CSRNP3: variants seen among roughly 807,000 people sequenced by gnomAD.
CSRNP3 encodes cysteine and serine rich nuclear protein 3.
In CSRNP3, 12 loss-of-function variants were observed where a neutral mutation model predicts 48.0. The observed-to-expected ratio is 0.25, with a 90% confidence interval of 0.16 to 0.41. CSRNP3 has a LOEUF of 0.41. Among genes scored for constraint, CSRNP3 ranks in the 10% least tolerant of loss-of-function variants. CSRNP3 has a pLI of 1.00. For synonymous variants in CSRNP3, 263 were observed against 269.7 expected (o/e 0.98, Z 0.24); for missense variants, 580 against 724.4 (o/e 0.80, Z 2.29).
rs1687577943 is a variant in CSRNP3, at chr2:165,683,375, A to C, written c.*3622A>C. 1 of 152,102 alleles carries C rather than the reference A, an allele frequency of 6.6e-6. No homozygotes were observed. The highest frequency in any genetic ancestry group is 2.4e-5 in the African/African-American group (1 of 41,430). The allele number at this position is 152,102 out of a possible 1,614,324, so 9.4% of individuals were successfully genotyped here. On this transcript the variant is annotated 3_prime_UTR_variant, in exon 7 of 7. Coordinates refer to ENST00000651982, the MANE Select transcript of CSRNP3 (RefSeq NM_001172173.2). ...CCCTGAATTCCTTCCCTCCAAAAAA[A>C]AACTATGAGTTGCAAAAACACTAGT...
intron 1 of CSRNP3, among the ~76,000 whole-genome samples, chr2:165,485,959 G>A (rs1454509915): frequency 6.6e-6 from 1 of 152,162 alleles, no homozygotes; most frequent in African/African-American, 2.4e-5. Flanking sequence ...GGCCGAATAG[G>A]AACAGCTCTG....
chr2:165,551,297 G>A (rs1685092856), intron 3 of CSRNP3, among the ~76,000 whole-genome samples: 1 of 152,138 alleles, frequency 6.6e-6, no homozygotes, highest in Admixed American at 6.5e-5. Context: ...CACTGGAAAA[G>A]TTCCCACCAG....
chr2:165,617,236 T>A (rs74971681), intron 4 of CSRNP3, among the ~76,000 whole-genome samples: 1 of 151,500 alleles, frequency 6.6e-6, no homozygotes, highest in Non-Finnish European at 1.5e-5. Context: ...TTTTCATGTT[T>A]CTGTATCATT....
chr2:165,511,881 G>A (rs1197494953), intron 2 of CSRNP3, among the ~76,000 whole-genome samples: 1 of 152,142 alleles, frequency 6.6e-6, no homozygotes, highest in Non-Finnish European at 1.5e-5. Flanking sequence ...CTTCCAGGGG[G>A]CAGGTTCATA....
At chr2:165,670,066 C>T (rs536181005) in intron 5 of CSRNP3, among the ~76,000 whole-genome samples, 1 of 152,294 alleles carries the variant, frequency 6.6e-6, no homozygotes, top group African/African-American at 2.4e-5. Flanking sequence ...AGGGAGTGAT[C>T]CCATGCAAGT....
At chr2:165,497,471 T>C (rs1428131416) in intron 2 of CSRNP3, among the ~76,000 whole-genome samples, 1 of 145,990 alleles carries the variant, frequency 6.8e-6, no homozygotes, top group Non-Finnish European at 1.5e-5. Flanking sequence ...CGGGAGACTA[T>C]CTATCACTAT....
intron 2 of CSRNP3, among the ~76,000 whole-genome samples, chr2:165,500,439 ACG>A (rs1684343514): frequency 8.7e-6 from 1 of 114,852 alleles, no homozygotes; most frequent in South Asian, 2.4e-4. Flanking sequence ...ACACACACAC[ACG>A]TGTATATATA....
intron 2 of CSRNP3, among the ~76,000 whole-genome samples, chr2:165,512,817 AG>A (rs1684524808): frequency 6.6e-6 from 1 of 152,238 alleles, no homozygotes; most frequent in African/African-American, 2.4e-5. Context: ...TTAAAAAGAT[AG>A]GGTCAGCCGG....
intron 5 of CSRNP3, among the ~76,000 whole-genome samples, chr2:165,666,249 GAAGA>G (rs1206282020): frequency 3.4e-5 from 4 of 116,234 alleles, no homozygotes; most frequent in South Asian, 3.3e-4. Context: ...AGAGAGAGAG[GAAGA>G]AAGAAAGACA....
chr2:165,517,006 A>C (rs918786752), intron 2 of CSRNP3, among the ~76,000 whole-genome samples: 1 of 152,116 alleles, frequency 6.6e-6, no homozygotes. Context: ...GTCATTGGCT[A>C]TGATCAATGA....
chr2:165,508,266 T>C lies in CSRNP3; in HGVS notation c.-112-9607T>C, dbSNP rs528262431. Reference sequence around the variant, plus strand: ...CGGCAATTCTGTTTTCTTTGTAAGATTAAGTAACCCTGCAATTAATTTTAT... The same window carrying C: ...CGGCAATTCTGTTTTCTTTGTAAGACTAAGTAACCCTGCAATTAATTTTAT... On this transcript the variant is annotated intron_variant, in intron 2 of 6. Transcript: ENST00000651982. Among the ~76,000 whole-genome samples the C allele has an allele frequency of 5.3e-5, 8 of 152,228 alleles. No homozygotes were observed. In the South Asian group the frequency reaches 1.7e-3, roughly 32 times the overall value.
chr2:165,625,613 AAC>A (rs1686417978), intron 4 of CSRNP3, among the ~76,000 whole-genome samples: 2 of 150,316 alleles, frequency 1.3e-5, no homozygotes, highest in South Asian at 2.2e-4. Context: ...CCACCTCAGC[AAC>A]AGAGTGAGAT....
At chr2:165,555,418 C>G (rs1366150778) in intron 3 of CSRNP3, among the ~76,000 whole-genome samples, 1 of 152,122 alleles carries the variant, frequency 6.6e-6, no homozygotes, top group Admixed American at 6.6e-5. Context: ...AGTACAAGCC[C>G]AAAACCATAG....
chr2:165,614,113 G>T (rs12987780), intron 4 of CSRNP3, among the ~76,000 whole-genome samples: 55,067 of 151,746 alleles, frequency 0.36, 10,399 homozygotes, highest in Admixed American at 0.47. Flanking sequence ...ACACCACTAT[G>T]CCTCGCTAAG....
intron 3 of CSRNP3, among the ~76,000 whole-genome samples, chr2:165,562,454 T>C (rs1685246161): frequency 6.6e-6 from 1 of 152,168 alleles, no homozygotes; most frequent in Non-Finnish European, 1.5e-5. Context: ...CTGATCCAAT[T>C]CTCATAACCC....
intron 4 of CSRNP3, among the ~76,000 whole-genome samples, chr2:165,606,447 G>A (rs1686015008): frequency 6.6e-6 from 1 of 151,194 alleles, no homozygotes; most frequent in African/African-American, 2.4e-5. Flanking sequence ...ATGAACAGCT[G>A]TGTAACTCTA....
intron 3 of CSRNP3, among the ~76,000 whole-genome samples, chr2:165,525,269 C>G (rs564036336): frequency 6.6e-6 from 1 of 151,936 alleles, no homozygotes; most frequent in Admixed American, 6.6e-5. Context: ...AAGTTGTTTT[C>G]TATTTTTGAG....
chr2:165,496,550 A>G (rs1289137608), intron 2 of CSRNP3, among the ~76,000 whole-genome samples: 1 of 152,016 alleles, frequency 6.6e-6, no homozygotes, highest in Non-Finnish European at 1.5e-5. Context: ...TAGACAAGCA[A>G]TAGTACATAT....
chr2:165,619,495 G>A (rs797003709), intron 4 of CSRNP3, among the ~76,000 whole-genome samples: 1 of 151,992 alleles, frequency 6.6e-6, no homozygotes, highest in Non-Finnish European at 1.5e-5. Flanking sequence ...ATGCCCTATC[G>A]TACCTCATAG....
Sources: gnomAD v4.1 joint callset for allele counts (sites outside exome capture counted in the v4.1 genomes callset) on GRCh38, gnomAD v4.1.1 for gene constraint, MANE v1.5 for transcripts, NCBI Gene and HGNC (gene_info 2026-07-23, HGNC 2026-07-21) for gene names.